The following WNK1 variants were observed in gnomAD, a reference collection of about 807,000 sequenced individuals.
WNK1 encodes the protein WNK lysine deficient protein kinase 1.
Under a neutral mutation model 222.8 loss-of-function variants are expected in WNK1, and 38 were observed. The observed-to-expected ratio is 0.17, with a 90% confidence interval of 0.13 to 0.22. The LOEUF (loss-of-function observed/expected upper bound fraction) is 0.22, where lower values mean the gene tolerates loss of function less well. Ranked by LOEUF, WNK1 falls within the 10% of genes least tolerant of loss-of-function variation. The probability of loss-of-function intolerance (pLI) is 1.00; values close to 1 mark genes in which losing one functional copy is unlikely to be tolerated. For synonymous variants in WNK1, 1,090 were observed against 1,092.9 expected, an observed-to-expected ratio of 1.00 and a Z score of 0.05; for missense variants, 2,348 against 2,918.4, an observed-to-expected ratio of 0.80 and a Z score of 4.50.
chr12:865,017 C>A lies in WNK1; in HGVS notation c.2139+2747C>A, dbSNP rs1328811009. The A allele has an allele frequency of 6.4e-6, 9 of 1,397,828 alleles. No homozygotes were observed. The South Asian group carries it at 1.1e-4, about 18-fold the overall frequency. The allele number at this position is 1,397,828 out of a possible 1,614,324, so 86.6% of individuals were successfully genotyped here. On this transcript the variant is annotated intron_variant, in intron 8 of 27. Coordinates refer to ENST00000315939, the MANE Select transcript of WNK1 (RefSeq NM_018979.4). ...GGAATTGGGAGAGGATGGAACATTTCTTCATGCAACTATGCCCTGTTATCA... is the reference window on the plus strand; with the variant it reads ...GGAATTGGGAGAGGATGGAACATTTATTCATGCAACTATGCCCTGTTATCA...
chr12:814,372 A>C (rs1017752678), intron 2 of WNK1, among the ~76,000 whole-genome samples: 7 of 151,932 alleles, frequency 4.6e-5, no homozygotes, highest in Admixed American at 4.6e-4. Flanking sequence ...ATGTCAAGGT[A>C]GCCCTCTAGT....
intron 4 of WNK1, among the ~76,000 whole-genome samples, chr12:837,523 G>A (rs373302216): frequency 7.4e-5 from 11 of 148,792 alleles, no homozygotes; most frequent in South Asian, 6.3e-4. Flanking sequence ...GCAGTGAGCC[G>A]AGATCACGCC....
intron 19 of WNK1, among the ~76,000 whole-genome samples, chr12:886,946 T>TA (rs1261386013): frequency 6.6e-6 from 1 of 152,208 alleles, no homozygotes; most frequent in Non-Finnish European, 1.5e-5. Flanking sequence ...CTTATGTACA[T>TA]ATAGCCTTTG....
chr12:902,252 A>G (rs1001771836), intron 26 of WNK1, among the ~76,000 whole-genome samples: 1 of 152,124 alleles, frequency 6.6e-6, no homozygotes, highest in African/African-American at 2.4e-5. Context: ...GCAGTGAGCC[A>G]TGATTGCACC....
chr12:889,348 A>G, intron 21 of WNK1, 125 bp downstream of exon 21: 5 of 831,148 alleles, frequency 6.0e-6, no homozygotes, highest in Non-Finnish European at 1.0e-5. Flanking sequence ...TGCTTATTCT[A>G]GCCAAAAGAA....
At chr12:864,998 G>A in intron 8 of WNK1, 4 of 1,330,764 alleles carry the variant, frequency 3.0e-6, no homozygotes, top group Non-Finnish European at 3.9e-6. Context: ...TTGTGGAATT[G>A]GGAGAGGATG....
intron 1 of WNK1, among the ~76,000 whole-genome samples, chr12:797,489 G>A (rs1945423296): frequency 6.6e-6 from 1 of 152,168 alleles, no homozygotes; most frequent in Non-Finnish European, 1.5e-5. Flanking sequence ...TAATAATACA[G>A]CAGCAATCCT....
intron 2 of WNK1, among the ~76,000 whole-genome samples, chr12:816,239 C>T (rs1947324629): frequency 6.6e-6 from 1 of 152,060 alleles, no homozygotes; most frequent in African/African-American, 2.4e-5. Flanking sequence ...CAAATGCTAC[C>T]AGTGTTCTTA....
intron 6 of WNK1, among the ~76,000 whole-genome samples, 168 bp downstream of exon 6, chr12:859,632 G>GTGTGTGTGTGT (rs369513114): frequency 8.2e-6 from 1 of 122,640 alleles, no homozygotes; most frequent in Non-Finnish European, 1.8e-5. Context: ...GTGTGTGTGT[G>GTGTGTGTGTGT]TTTTTTTTTT....
intron 20 of WNK1, 57 bp from the exon 21 acceptor site, chr12:889,083 A>G (rs369084956): frequency 2.6e-4 from 366 of 1,382,724 alleles, no homozygotes; most frequent in Non-Finnish European, 3.5e-4. Flanking sequence ...AATTGGCTAT[A>G]TATCGTGACT....
chr12:846,719 T>A (rs1449738658), intron 4 of WNK1, among the ~76,000 whole-genome samples: 1 of 152,230 alleles, frequency 6.6e-6, no homozygotes, highest in African/African-American at 2.4e-5. Context: ...TTGCAAGGTT[T>A]GAACATTTTG....
At chr12:777,801 C>T (rs539432840) in intron 1 of WNK1, among the ~76,000 whole-genome samples, 2 of 152,290 alleles carry the variant, frequency 1.3e-5, no homozygotes, top group South Asian at 2.1e-4. Flanking sequence ...TAACTTACCA[C>T]AGACTCAGGA....
chr12:860,164 A>G (rs997691122), intron 6 of WNK1, among the ~76,000 whole-genome samples: 5 of 152,230 alleles, frequency 3.3e-5, no homozygotes, highest in Non-Finnish European at 5.9e-5. Flanking sequence ...AGCATCATTC[A>G]TTAAGAATGA....
In WNK1 at chr12:753,978, C is replaced by G. The variant is rs1277355342; in HGVS notation, c.413C>G (p.Pro138Arg). The G allele has an allele frequency of 5.6e-6, 9 of 1,594,344 alleles. No homozygotes were observed. Among genetic ancestry groups the G allele is most frequent in the Non-Finnish European group, 7.7e-6 (9 of 1,171,388 alleles). The change falls in exon 1 of 28, where the codon CCA becomes CGA. Residue 138 changes from proline (P) to arginine (R), a missense_variant. Physicochemically the swap from Pro to Arg is moderately radical, Grantham distance 103 (BLOSUM62 -2). Coordinates refer to ENST00000315939, the MANE Select transcript of WNK1 (RefSeq NM_018979.4). The surrounding 1 kb of genome is among the most constrained non-coding windows in gnomAD (Gnocchi z 5.2). ...ACTTCCCAGGTAGCCCAGCAGCCTC[C>G]AGCCGCTGCCGCCCCTGGGGAACAG... ...TATSQVAQQP[P>R]AAAAPGEQAV...
rs146574444 is a variant in WNK1 at position 900,555 on chromosome 12, C to T, written c.6528C>T (p.Ser2176=). The change falls in exon 26 of 28, where the codon TCC becomes TCT. Residue 2176 remains serine (S), a synonymous_variant. Transcript: ENST00000315939. ...ACCCTCCTGGCAACATCCCAGAGTC[C>T]GGGCAGAATCAGCTGTTACAGCCCC... The part of the protein sequence containing the change: ...TLHPPGNIPE[S]GQNQLLQPLK... 1.2e-4 allele frequency: 186 copies of T among 1,614,204 alleles called. No homozygotes were observed. In the African/African-American group the frequency reaches 1.5e-3, roughly 13 times the overall value.
chr12:878,084 T>A, intron 9 of WNK1, 128 bp from the exon 10 acceptor site: 1 of 1,200,072 alleles, frequency 8.3e-7, no homozygotes, highest in Non-Finnish European at 1.2e-6. Flanking sequence ...GAATTTGGGT[T>A]TGTGCATGTC....
intron 4 of WNK1, among the ~76,000 whole-genome samples, chr12:838,677 A>T (rs1438755354): frequency 2.0e-5 from 3 of 152,116 alleles, no homozygotes; most frequent in Non-Finnish European, 4.4e-5. Context: ...TGGCCTTCCA[A>T]AGTGCTGGGA....
At chr12:803,184 ATGC>A (rs1946045732) in intron 1 of WNK1, among the ~76,000 whole-genome samples, 1 of 152,230 alleles carries the variant, frequency 6.6e-6, no homozygotes, top group African/African-American at 2.4e-5. Flanking sequence ...TCCACAGTAA[ATGC>A]TGCTGATTTG....
chr12:883,519 G>C lies in WNK1; in HGVS notation c.3614G>C (p.Gly1205Ala). The part of the protein sequence containing the change: ...DVSVEPEGDQ[G>A]LESLQGKDDY... ...AGTGTGGAACCAGAGGGTGATCAGG[G>C]ATTGGAGAGTCTACAAGGAAAGGAT... Residue 1205 changes from glycine (G) to alanine (A), a missense_variant, in exon 16 of 28, where the codon GGA (glycine) becomes GCA (alanine). Gly to Ala is a moderately conservative substitution (Grantham distance 60). Around this residue, in one of 13 missense-constraint regions of WNK1, gnomAD observed 1,144 missense variants for 1,273.6 expected, o/e 0.90. Coordinates refer to ENST00000315939, the MANE Select transcript of WNK1 (RefSeq NM_018979.4). 6.2e-7 allele frequency: 1 copy of C among 1,614,192 alleles called. No individual in the cohort carries two copies. Among genetic ancestry groups the C allele is most frequent in the South Asian group, 1.1e-5 (1 of 91,084 alleles).
Sources: allele counts gnomAD v4.1 joint callset (sites outside exome capture counted in the v4.1 genomes callset), GRCh38; gene constraint gnomAD v4.1.1; regional missense constraint gnomAD v4.1.1; non-coding constraint Gnocchi (gnomAD v3.1); transcripts MANE v1.5; gene names NCBI Gene and HGNC (gene_info 2026-07-23, HGNC 2026-07-21).